Variants in CCDC148 observed in about 807,000 individuals in gnomAD.
CCDC148 encodes the protein coiled-coil domain-containing protein 148.
CCDC148 carries 89 observed loss-of-function variants against 85.7 expected under a neutral mutation model. That is an observed-to-expected ratio of 1.04 (90% CI 0.87 to 1.24). The LOEUF (loss-of-function observed/expected upper bound fraction) is 1.24, where lower values mean the gene tolerates loss of function less well. CCDC148 is among the 50% of genes most tolerant of loss of function. The probability of loss-of-function intolerance (pLI) is 0.00; values close to 1 mark genes in which losing one functional copy is unlikely to be tolerated. For missense variants in CCDC148, 692 were observed against 671.7 expected, an observed-to-expected ratio of 1.03 and a Z score of -0.33; for synonymous variants, 230 against 213.9, an observed-to-expected ratio of 1.08 and a Z score of -0.66.
chr2:158,260,887 C>G (rs1285997839), intron 9 of CCDC148, among the ~76,000 whole-genome samples: 1 of 151,868 alleles, frequency 6.6e-6, no homozygotes, highest in Non-Finnish European at 1.5e-5. Context: ...AATAGAAAAC[C>G]ATACCATGCT....
intron 2 of CCDC148, among the ~76,000 whole-genome samples, chr2:158,358,170 T>C (rs560577492): frequency 1.3e-5 from 2 of 152,302 alleles, no homozygotes; most frequent in Non-Finnish European, 1.5e-5. Context: ...TGGAAGTTGT[T>C]GAAAGCCAAT....
intron 8 of CCDC148, among the ~76,000 whole-genome samples, chr2:158,311,605 T>C (rs1328735199): frequency 1.3e-5 from 2 of 152,204 alleles, no homozygotes; most frequent in African/African-American, 4.8e-5. Context: ...AAAGCAATAT[T>C]TTCCCTATAT....
intron 11 of CCDC148, among the ~76,000 whole-genome samples, chr2:158,179,955 T>A (rs561613060): frequency 1.3e-5 from 2 of 152,300 alleles, no homozygotes; most frequent in Admixed American, 1.3e-4. Flanking sequence ...AGCCCTGAGC[T>A]CCTTGGCCCT....
chr2:158,409,805 A>G (rs1686181918), intron 1 of CCDC148, among the ~76,000 whole-genome samples: 1 of 152,178 alleles, frequency 6.6e-6, no homozygotes, highest in African/African-American at 2.4e-5. Flanking sequence ...CTCATCTTGA[A>G]TTGTACTCCC....
At chr2:158,264,238 C>T (rs1185798922) in intron 9 of CCDC148, among the ~76,000 whole-genome samples, 1 of 151,938 alleles carries the variant, frequency 6.6e-6, no homozygotes, top group African/African-American at 2.4e-5. Context: ...ATACTTCTTC[C>T]GTCATCAGCT....
intron 7 of CCDC148, among the ~76,000 whole-genome samples, chr2:158,318,789 A>C (rs1441265959): frequency 6.6e-6 from 1 of 150,426 alleles, no homozygotes; most frequent in African/African-American, 2.5e-5. Flanking sequence ...TTTTTTTTGG[A>C]GACAGGGTCT....
chr2:158,316,431 T>C (rs1289261683), intron 7 of CCDC148, among the ~76,000 whole-genome samples: 1 of 152,190 alleles, frequency 6.6e-6, no homozygotes, highest in East Asian at 1.9e-4. Context: ...AAGTCAGATA[T>C]TTCAAAGCAA....
intron 2 of CCDC148, among the ~76,000 whole-genome samples, chr2:158,352,514 G>T (rs547503943): frequency 1.2e-3 from 180 of 152,096 alleles, no homozygotes; most frequent in African/African-American, 4.0e-3. Flanking sequence ...AGCGAGAAGG[G>T]AAGTTTAGAG....
intron 11 of CCDC148, among the ~76,000 whole-genome samples, chr2:158,181,207 T>C (rs554174412): frequency 5.9e-5 from 9 of 152,272 alleles, no homozygotes; most frequent in African/African-American, 1.9e-4. Flanking sequence ...TGCAACAAAG[T>C]TTTTGTCTGT....
intron 9 of CCDC148, among the ~76,000 whole-genome samples, chr2:158,281,822 A>C (rs565666408): frequency 1.4e-4 from 22 of 152,304 alleles, no homozygotes; most frequent in South Asian, 8.3e-4. Flanking sequence ...GAGACACAAC[A>C]AAAAAAGAGA....
rs777855428 is a variant in CCDC148, at chr2:158,172,230, C to T, written c.1659G>A (p.Glu553=). The change falls in exon 14 of 14, where the codon GAG becomes GAA. Residue 553 remains glutamate, a synonymous_variant. Coordinates refer to ENST00000283233, the MANE Select transcript of CCDC148 (RefSeq NM_138803.4). ...QIISDPRLRF[E]LALREAGLHR... is the part of the protein sequence containing the mutation. ...GAAGTCCAGCTTCTCGAAGTGCTAA[C>T]TCGAAGCGAAGTCTAGGGTCAGAAA... 1.2e-6 allele frequency: 2 copies of T among 1,606,974 alleles called. No individual in the cohort carries two copies. The highest frequency in any genetic ancestry group is 4.5e-5 in the East Asian group (2 of 44,618).
chr2:158,431,973 C>G (rs7585461), intron 1 of CCDC148, among the ~76,000 whole-genome samples: 1 of 151,554 alleles, frequency 6.6e-6, no homozygotes, highest in Non-Finnish European at 1.5e-5. Flanking sequence ...CACTGTTTAC[C>G]ACACATATAC....
In CCDC148 at chr2:158,355,743, T is replaced by G. The variant is rs1192163979; in HGVS notation, c.147+2706A>C. Among the ~76,000 whole-genome samples, 68 of 128,700 alleles carry G rather than the reference T, an allele frequency of 5.3e-4. 3 individuals are homozygous for G. Among genetic ancestry groups the G allele is most frequent in the Non-Finnish European group, 1.4e-4 (9 of 63,644 alleles). The allele number at this position is 128,700 out of a possible 152,430, so 84.4% of individuals were successfully genotyped here. On this transcript the variant is annotated intron_variant, in intron 2 of 13. Transcript: ENST00000283233. ...GGAAAAAACTACTTTAAAGTTCATA[T>G]GGAACCAAAAAAGAGCCCGCATCGC...
At chr2:158,341,204 A>G (rs1574652942) in intron 3 of CCDC148, among the ~76,000 whole-genome samples, 1 of 152,260 alleles carries the variant, frequency 6.6e-6, no homozygotes, top group East Asian at 1.9e-4. Context: ...ATGTATACAT[A>G]CGTATGTGTA....
intron 1 of CCDC148, among the ~76,000 whole-genome samples, chr2:158,411,799 T>TTA (rs1333943152): frequency 2.6e-5 from 4 of 152,008 alleles, no homozygotes; most frequent in Non-Finnish European, 4.4e-5. Flanking sequence ...TTTGAAGGAG[T>TTA]TATTTCTTCC....
intron 9 of CCDC148, among the ~76,000 whole-genome samples, chr2:158,264,884 C>G (rs567308590): frequency 8.5e-4 from 130 of 152,214 alleles, no homozygotes; most frequent in African/African-American, 2.8e-3. Flanking sequence ...TAGATAAACA[C>G]TAGAATAACG....
intron 1 of CCDC148, among the ~76,000 whole-genome samples, chr2:158,439,341 CT>C (rs199691409): frequency 0.075 from 11,340 of 152,108 alleles, 565 homozygotes; most frequent in Middle Eastern, 0.11. Context: ...ATGGATGAAG[CT>C]GGAAACCATC....
At chr2:158,378,078 A>G (rs1244908482) in intron 1 of CCDC148, among the ~76,000 whole-genome samples, 2 of 152,152 alleles carry the variant, frequency 1.3e-5, no homozygotes, top group African/African-American at 4.8e-5. Flanking sequence ...TCAAAAGCCA[A>G]AATGAGATGA....
chr2:158,304,114 C>T (rs192081750), intron 9 of CCDC148, among the ~76,000 whole-genome samples: 8 of 152,230 alleles, frequency 5.3e-5, no homozygotes, highest in South Asian at 2.1e-4. Context: ...AGTCACAAAA[C>T]ACAGTCTTGG....
Sources: allele counts gnomAD v4.1 joint callset (sites outside exome capture counted in the v4.1 genomes callset), GRCh38; gene constraint gnomAD v4.1.1; transcripts MANE v1.5; gene names NCBI Gene and HGNC (gene_info 2026-07-23, HGNC 2026-07-21).